CHST12: variants seen among roughly 807,000 people sequenced by gnomAD.
CHST12 encodes the protein carbohydrate (chondroitin 4) sulfotransferase 12.
In CHST12, 23 loss-of-function variants were observed where a neutral mutation model predicts 27.9. The ratio of observed to expected loss-of-function variants is 0.82; its 90% confidence interval spans 0.59 to 1.17. The LOEUF (loss-of-function observed/expected upper bound fraction) is 1.17, where lower values mean the gene tolerates loss of function less well. CHST12 is among the 50% of genes most tolerant of loss of function. CHST12 has a pLI of 0.00. For missense variants in CHST12, 682 were observed against 603.0 expected, an observed-to-expected ratio of 1.13 and a Z score of -1.37; for synonymous variants, 322 against 273.0, an observed-to-expected ratio of 1.18 and a Z score of -1.77.
rs1191456518 is a variant in CHST12, at chr7:2,436,295, ATT to A, written c.*2412_*2413del. ...TGTCCCCATTCAGCACTCGCTCCCCATTGGTAGAAGGCAGCAGCTTCCACTCT... is the reference window on the plus strand; with the variant it reads ...TGTCCCCATTCAGCACTCGCTCCCCAGGTAGAAGGCAGCAGCTTCCACTCT... On this transcript the variant is annotated 3_prime_UTR_variant, in exon 2 of 2. Coordinates refer to ENST00000618655, the MANE Select transcript of CHST12 (RefSeq NM_018641.5). 6.6e-6 allele frequency: 1 copy of A among 152,078 alleles called. No individual in the cohort carries two copies. Among genetic ancestry groups the A allele is most frequent in the African/African-American group, 2.4e-5 (1 of 41,392 alleles). 9.4% of individuals were successfully genotyped at this position (152,078 alleles called of 1,614,324 possible).
Position 2,442,440 on chromosome 7 carries a change from T to G in CHST12, c.*8556T>G, listed in dbSNP as rs1782632571. 6.6e-6 allele frequency: 1 copy of G among 152,250 alleles called. No homozygotes were observed. The allele number at this position is 152,250 out of a possible 1,614,324, so 9.4% of individuals were successfully genotyped here. A position where few individuals can be genotyped will look rare whatever the true frequency, so the allele number is the denominator to read the frequency against. ...GTGCGGTGGCACCATCTCAGCTCAC[T>G]GCAAGCTCCGCCTCCCAGGTTCAGG... On this transcript the variant is annotated 3_prime_UTR_variant, in exon 2 of 2. Transcript: ENST00000618655.
chr7:2,415,779 A>AT (rs1491273610), intron 1 of CHST12, among the ~76,000 whole-genome samples: 13 of 151,248 alleles, frequency 8.6e-5, no homozygotes, highest in Non-Finnish European at 1.6e-4. Flanking sequence ...CGCCTGGCTA[A>AT]TTTTTTTTGT....
At chr7:2,406,916 T>C (rs1176960908) in intron 1 of CHST12, among the ~76,000 whole-genome samples, 1 of 151,962 alleles carries the variant, frequency 6.6e-6, no homozygotes, top group Non-Finnish European at 1.5e-5. Context: ...GAAAGCAGGC[T>C]GTCATTAATG....
chr7:2,404,725 C>A (rs1781477669), intron 1 of CHST12, among the ~76,000 whole-genome samples: 1 of 152,250 alleles, frequency 6.6e-6, no homozygotes, highest in South Asian at 2.1e-4. Context: ...CGCTTGAGAT[C>A]TGAAAGAGCA....
chr7:2,425,909 C>A (rs138507821), intron 1 of CHST12, among the ~76,000 whole-genome samples: 1 of 152,024 alleles, frequency 6.6e-6, no homozygotes, highest in Non-Finnish European at 1.5e-5. Context: ...AGTCTGCACT[C>A]TGGTGGTGGC....
chr7:2,415,154 C>T (rs1277842769), intron 1 of CHST12, among the ~76,000 whole-genome samples: 4 of 152,176 alleles, frequency 2.6e-5, no homozygotes, highest in African/African-American at 9.6e-5. Context: ...CACCTGAGGT[C>T]AGGAGTTCAA....
At position 2,418,789 on chromosome 7, in the gene CHST12, TTGC is replaced by T. The variant is rs200785477; in HGVS notation, c.-77-13771_-77-13769del. Among the ~76,000 whole-genome samples, 813 of 142,690 alleles carry T rather than the reference TTGC, an allele frequency of 5.7e-3. 7 individuals are homozygous for T. Among genetic ancestry groups the T allele is most frequent in the African/African-American group, 0.022 (792 of 36,246 alleles). 93.6% of individuals were successfully genotyped at this position (142,690 alleles called of 152,430 possible). On this transcript the variant is annotated intron_variant, in intron 1 of 1. Coordinates refer to ENST00000618655, the MANE Select transcript of CHST12 (RefSeq NM_018641.5). ...TTGTATGTCCAAGCTGTTGTTTCTG[TTGC>T]TGTTGTTGTTGTTTTGTTTTTTGGG...
At chr7:2,417,021 G>C (rs951431077) in intron 1 of CHST12, among the ~76,000 whole-genome samples, 2 of 152,102 alleles carry the variant, frequency 1.3e-5, no homozygotes, top group Admixed American at 1.3e-4. Flanking sequence ...GGTGAATTCG[G>C]GGTCCTGAGA....
chr7:2,434,615 AAT>A lies in CHST12; in HGVS notation c.*732_*733del, dbSNP rs1178847617. 4.5e-4 allele frequency: 58 copies of A among 128,456 alleles called. 3 individuals are homozygous for A. Among genetic ancestry groups the A allele is most frequent in the African/African-American group, 1.8e-3 (51 of 28,016 alleles). The allele number at this position is 128,456 out of a possible 1,614,324, so 8.0% of individuals were successfully genotyped here. A position where few individuals can be genotyped will look rare whatever the true frequency, so the allele number is the denominator to read the frequency against. On this transcript the variant is annotated 3_prime_UTR_variant, in exon 2 of 2. Coordinates refer to ENST00000618655, the MANE Select transcript of CHST12 (RefSeq NM_018641.5). ...AAAAAAAAAAAAAAAAAAAAAAAAA[AAT>A]GAGTCGGGTGTGGTGGTGTGCACCT...
In CHST12 at chr7:2,440,373, G is replaced by T. The variant is rs1037450679; in HGVS notation, c.*6489G>T. 1.3e-5 allele frequency: 2 copies of T among 154,126 alleles called. No individual in the cohort carries two copies. Among genetic ancestry groups the T allele is most frequent in the Admixed American group, 6.5e-5 (1 of 15,276 alleles). 9.5% of individuals were successfully genotyped at this position (154,126 alleles called of 1,614,324 possible). ...TGCGAGTGCATGTGCAAGTGTGCGT[G>T]CAAGTGTGAGTCTGCACTTGTGTGC... On this transcript the variant is annotated 3_prime_UTR_variant, in exon 2 of 2. Transcript: ENST00000618655.
intron 1 of CHST12, among the ~76,000 whole-genome samples, chr7:2,426,012 G>A (rs1562516684): frequency 1.3e-5 from 2 of 152,022 alleles, no homozygotes; most frequent in African/African-American, 2.4e-5. Context: ...TGGGGACGAC[G>A]GGGCTCGCTA....
chr7:2,407,844 C>T (rs1449550134), intron 1 of CHST12, among the ~76,000 whole-genome samples: 1 of 152,090 alleles, frequency 6.6e-6, no homozygotes, highest in Non-Finnish European at 1.5e-5. Flanking sequence ...AGGAGAATTG[C>T]TTGAACCCAG....
At position 2,443,146 on chromosome 7, in the gene CHST12, G is replaced by C. The variant is rs6461379; in HGVS notation, c.*9262G>C. 64,829 of 151,990 alleles carry C rather than the reference G, an allele frequency of 0.43. 15,126 individuals are homozygous for C. Among genetic ancestry groups the C allele is most frequent in the East Asian group, 0.69 (3,587 of 5,184 alleles). The allele number at this position is 151,990 out of a possible 1,614,324, so 9.4% of individuals were successfully genotyped here. On this transcript the variant is annotated 3_prime_UTR_variant, in exon 2 of 2. Coordinates refer to ENST00000618655, the MANE Select transcript of CHST12 (RefSeq NM_018641.5). ...TGAGGTGGAGTCTTGCTGTCACCCA[G>C]GCTGGAGTGCAGTGGTGCAATCTCA...
At position 2,432,621 on chromosome 7, in the gene CHST12, C is replaced by G; in HGVS notation, c.-19C>G. 2 of 1,595,156 alleles carry G rather than the reference C, an allele frequency of 1.3e-6. No homozygotes were observed. The highest frequency in any genetic ancestry group is 1.7e-6 in the Non-Finnish European group (2 of 1,167,500). Reference sequence around the variant, plus strand: ...CTGAAGTGAGAGGCCCGGAGAGGGCCCAGCCCGCCCGGGGCAGGATGACCA... The same window carrying G: ...CTGAAGTGAGAGGCCCGGAGAGGGCGCAGCCCGCCCGGGGCAGGATGACCA... On this transcript the variant is annotated 5_prime_UTR_variant, in exon 2 of 2. Transcript: ENST00000618655.
rs75308093 is a variant in CHST12 at position 2,407,675 on chromosome 7, G to T, written c.-78+4002G>T. On this transcript the variant is annotated intron_variant, in intron 1 of 1. Coordinates refer to ENST00000618655, the MANE Select transcript of CHST12 (RefSeq NM_018641.5). ...GGGAAGGCTGGGTGTGGTGGCTCAT[G>T]CCTGTAATCCCAGCAATTTAGGAGG... is the stretch of plus-strand genomic sequence containing the variant. 5.0e-3 allele frequency among the ~76,000 whole-genome samples: 754 copies of T among 152,182 alleles called. 6 individuals carry two copies. Among genetic ancestry groups the T allele is most frequent in the African/African-American group, 0.018 (736 of 41,520 alleles).
At chr7:2,421,266 A>T (rs1781966093) in intron 1 of CHST12, among the ~76,000 whole-genome samples, 2 of 128,940 alleles carry the variant, frequency 1.6e-5, no homozygotes, top group African/African-American at 3.0e-5. Flanking sequence ...TTTTTTGTAG[A>T]GAAGGGTCTT....
Position 2,434,865 on chromosome 7 carries a change from A to G in CHST12, c.*981A>G, listed in dbSNP as rs1782435123. 6.6e-6 allele frequency: 1 copy of G among 152,314 alleles called. No homozygotes were observed. The highest frequency in any genetic ancestry group is 6.6e-5 in the Admixed American group (1 of 15,258). 9.4% of individuals were successfully genotyped at this position (152,314 alleles called of 1,614,324 possible). ...CACTTTGGGAGGCTGAGGGGGGAAG[A>G]TCACTTGAGCCCAGGAGTTCAAGAC... On this transcript the variant is annotated 3_prime_UTR_variant, in exon 2 of 2. Transcript: ENST00000618655.
chr7:2,414,209 T>G (rs1781744611), intron 1 of CHST12, among the ~76,000 whole-genome samples: 1 of 152,218 alleles, frequency 6.6e-6, no homozygotes, highest in South Asian at 2.1e-4. Context: ...TATAGGCACT[T>G]TGTTAGATAT....
At position 2,448,176 on chromosome 7, in the gene CHST12, A is replaced by G. The variant is rs1782801431; in HGVS notation, c.*14292A>G. ...AGCCGCCGTGCCTGGCCACAAACAT[A>G]TTTTAAATTTGAACAATAAAGGAAC... is the stretch of plus-strand genomic sequence containing the variant. On this transcript the variant is annotated 3_prime_UTR_variant, in exon 2 of 2. Coordinates refer to ENST00000618655, the MANE Select transcript of CHST12 (RefSeq NM_018641.5). 1 of 152,188 alleles carries G rather than the reference A, an allele frequency of 6.6e-6. No individual in the cohort carries two copies. The allele number at this position is 152,188 out of a possible 1,614,324, so 9.4% of individuals were successfully genotyped here. A position where few individuals can be genotyped will look rare whatever the true frequency, so the allele number is the denominator to read the frequency against.
Sources: allele counts gnomAD v4.1 joint callset (sites outside exome capture counted in the v4.1 genomes callset), GRCh38; gene constraint gnomAD v4.1.1; transcripts MANE v1.5; gene names NCBI Gene and HGNC (gene_info 2026-07-23, HGNC 2026-07-21).